RPS6KA2: variants seen among roughly 807,000 people sequenced by gnomAD.
The protein encoded by RPS6KA2 is ribosomal protein S6 kinase A2.
RPS6KA2 carries 42 observed loss-of-function variants against 91.8 expected under a neutral mutation model. The ratio of observed to expected loss-of-function variants is 0.46; its 90% CI spans 0.36 to 0.59. RPS6KA2 has a LOEUF of 0.59. RPS6KA2 is among the 20% of genes least tolerant of loss of function. The pLI, the probability that RPS6KA2 is intolerant of heterozygous loss-of-function variation, is 0.00. For missense variants in RPS6KA2, 798 were observed against 978.5 expected (o/e 0.82, Z 2.46); for synonymous variants, 414 against 393.6 (o/e 1.05, Z -0.61).
At chr6:166,657,974 C>A (rs1788049870) in intron 2 of RPS6KA2, among the ~76,000 whole-genome samples, 1 of 152,174 alleles carries the variant, frequency 6.6e-6, no homozygotes, top group South Asian at 2.1e-4. Context: ...ACTTCCACCT[C>A]CCCGGTTCAA....
At position 166,665,161 on chromosome 6, in the gene RPS6KA2, T is replaced by C. The variant is rs536168486; in HGVS notation, c.124-126377A>G. Among the ~76,000 whole-genome samples, 2 of 151,464 alleles carry C rather than the reference T, an allele frequency of 1.3e-5. No individual in the cohort carries two copies. Among genetic ancestry groups the C allele is most frequent in the South Asian group, 4.2e-4 (2 of 4,750 alleles). Reference sequence around the variant, plus strand: ...CAGGGTGTTCAAGTTCTGCCTTCCATACAGAACAACATCTGCAGGGCTCAC... The same window carrying C: ...CAGGGTGTTCAAGTTCTGCCTTCCACACAGAACAACATCTGCAGGGCTCAC... On this transcript the variant is annotated intron_variant, in intron 2 of 21. Transcript: ENST00000503859. This position sits in a 1 kb window ranked among gnomAD's most constrained non-coding sequence, Gnocchi z 4.5.
intron 6 of RPS6KA2, among the ~76,000 whole-genome samples, chr6:166,502,150 A>T (rs1187480030): frequency 6.6e-6 from 1 of 152,162 alleles, no homozygotes; most frequent in Non-Finnish European, 1.5e-5. Context: ...GGGCCCAGCA[A>T]TGGGAACGTG....
chr6:166,664,505 T>G (rs1788261542), intron 2 of RPS6KA2, among the ~76,000 whole-genome samples: 1 of 152,200 alleles, frequency 6.6e-6, no homozygotes, highest in Non-Finnish European at 1.5e-5. Context: ...GCCTGCCCCT[T>G]GCGGCATGGA....
At chr6:166,552,094 A>C (rs1448585835) in intron 1 of RPS6KA2, among the ~76,000 whole-genome samples, 1 of 152,158 alleles carries the variant, frequency 6.6e-6, no homozygotes, top group African/African-American at 2.4e-5. Context: ...GATCCTTGTT[A>C]CCCAGTGCTG....
chr6:166,494,864 C>G lies in RPS6KA2; in HGVS notation c.747+3644G>C, dbSNP rs1441967900. On this transcript the variant is annotated intron_variant, in intron 8 of 20. Coordinates refer to ENST00000265678, the MANE Select transcript of RPS6KA2 (RefSeq NM_021135.6). The surrounding 1 kb of genome is among the most constrained non-coding windows in gnomAD (Gnocchi z 5.1). ...CAGCACGCGGCCTCCAGGGTCTCAG[C>G]CTTCTTTTAAAACAAGGCCCCTCAC... 6.6e-6 allele frequency among the ~76,000 whole-genome samples: 1 copy of G among 152,200 alleles called. No individual in the cohort carries two copies.
In RPS6KA2 at chr6:166,412,697, C is replaced by A; in HGVS notation, c.*65G>T. On this transcript the variant is annotated 3_prime_UTR_variant, in exon 21 of 21. Coordinates refer to ENST00000265678, the MANE Select transcript of RPS6KA2 (RefSeq NM_021135.6). The surrounding 1 kb of genome is among the most constrained non-coding windows in gnomAD (Gnocchi z 4.3). ...GTCACTCTGGGTGCCAGACGGGCTC[C>A]GAGGCCGGGGTCTGTGAGCCCACGA... 1.3e-6 allele frequency: 2 copies of A among 1,487,100 alleles called. No homozygotes were observed. Among genetic ancestry groups the A allele is most frequent in the Non-Finnish European group, 1.8e-6 (2 of 1,111,660 alleles). The allele number at this position is 1,487,100 out of a possible 1,614,324, so 92.1% of individuals were successfully genotyped here. A position where few individuals can be genotyped will look rare whatever the true frequency, so the allele number is the denominator to read the frequency against.
rs1433206193 is a variant in RPS6KA2, at chr6:166,612,383, ATTTGTAG to A, written c.99+14531_99+14537del. Among the ~76,000 whole-genome samples, 1 of 152,118 alleles carries A rather than the reference ATTTGTAG, an allele frequency of 6.6e-6. No homozygotes were observed. The highest frequency in any genetic ancestry group is 1.5e-5 in the Non-Finnish European group (1 of 67,992). On this transcript the variant is annotated intron_variant, in intron 1 of 20. Coordinates refer to ENST00000265678, the MANE Select transcript of RPS6KA2 (RefSeq NM_021135.6). This position sits in a 1 kb window ranked among gnomAD's most constrained non-coding sequence, Gnocchi z 4.3. ...AGCTGGTGCATGAGTGAAACTCTGA[ATTTGTAG>A]TTTTCCTTAGGAGAAAGATGGCATG...
chr6:166,562,876 C>A (rs926608977), intron 1 of RPS6KA2, among the ~76,000 whole-genome samples: 3 of 152,186 alleles, frequency 2.0e-5, no homozygotes, highest in Non-Finnish European at 2.9e-5. Flanking sequence ...GCTACTTGGA[C>A]TTCCAGAAGT....
chr6:166,460,221 T>C (rs1357086291), intron 11 of RPS6KA2, among the ~76,000 whole-genome samples: 3 of 152,200 alleles, frequency 2.0e-5, no homozygotes, highest in African/African-American at 7.2e-5. Context: ...CCAAACTTAT[T>C]TCCCCAACAG....
chr6:166,725,178 TA>T (rs756088695), intron 2 of RPS6KA2, among the ~76,000 whole-genome samples: 2 of 152,050 alleles, frequency 1.3e-5, no homozygotes, highest in Admixed American at 6.5e-5. Context: ...CTGGACTGAG[TA>T]AAAAAAAGTC....
chr6:166,713,108 C>T (rs1328370891), intron 2 of RPS6KA2, among the ~76,000 whole-genome samples: 1 of 152,204 alleles, frequency 6.6e-6, no homozygotes, highest in Non-Finnish European at 1.5e-5. Flanking sequence ...TGATGAGCTT[C>T]CATGACCTCC....
exon 1 of RPS6KA2, chr6:166,862,381 G>T (rs556410389): frequency 1.4e-6 from 2 of 1,402,170 alleles, no homozygotes; most frequent in Admixed American, 5.7e-5. Context: ...GACCCGGGGG[G>T]CTGCAATATG....
chr6:166,525,745 G>A (rs528511264), intron 3 of RPS6KA2, among the ~76,000 whole-genome samples: 94 of 152,272 alleles, frequency 6.2e-4, no homozygotes, highest in Non-Finnish European at 1.2e-3. Context: ...CTGGGCTTTC[G>A]GGGTTTTGCT....
At position 166,729,453 on chromosome 6, in the gene RPS6KA2, A is replaced by C. The variant is rs550503677; in HGVS notation, c.123+128747T>G. ...GCTTCCACCTCCTGGGGCTCAGATG[A>C]TCCTCTCACCTCAGCCTCCTGAGTA... is the stretch of plus-strand genomic sequence containing the variant. On this transcript the variant is annotated intron_variant, in intron 2 of 21. Transcript: ENST00000503859. Among the ~76,000 whole-genome samples, 51 of 152,234 alleles carry C rather than the reference A, an allele frequency of 3.4e-4. No individual in the cohort carries two copies. In the South Asian group the frequency reaches 6.0e-3, roughly 18 times the overall value.
rs115478203 is a variant in RPS6KA2 at position 166,412,266 on chromosome 6, T to A, written c.*496A>T. The A allele has an allele frequency of 0.014, 2,178 of 153,294 alleles. 65 individuals carry two copies. The highest frequency in any genetic ancestry group is 0.049 in the African/African-American group (2,049 of 41,584). 9.5% of individuals were successfully genotyped at this position (153,294 alleles called of 1,614,324 possible). A position where few individuals can be genotyped will look rare whatever the true frequency, so the allele number is the denominator to read the frequency against. On this transcript the variant is annotated 3_prime_UTR_variant, in exon 21 of 21. Coordinates refer to ENST00000265678, the MANE Select transcript of RPS6KA2 (RefSeq NM_021135.6). This position sits in a 1 kb window ranked among gnomAD's most constrained non-coding sequence, Gnocchi z 4.3. ...CCTGGACGCCACAGTGCCAACCCCG[T>A]CATCCAGCCCGTGGGGAGCCCCGGG...
intron 2 of RPS6KA2, among the ~76,000 whole-genome samples, chr6:166,728,773 G>A (rs1193349393): frequency 6.6e-6 from 1 of 152,196 alleles, no homozygotes; most frequent in African/African-American, 2.4e-5. Context: ...CTTTACAGCT[G>A]GAGAGAGCTG....
chr6:166,424,182 G>C (rs1233438546), intron 16 of RPS6KA2, among the ~76,000 whole-genome samples: 2 of 152,188 alleles, frequency 1.3e-5, no homozygotes, highest in African/African-American at 2.4e-5. Flanking sequence ...AGTCAGGCCT[G>C]GTTTACAGAG....
chr6:166,555,779 C>A (rs543413865), intron 1 of RPS6KA2, among the ~76,000 whole-genome samples: 13 of 152,270 alleles, frequency 8.5e-5, no homozygotes, highest in African/African-American at 2.9e-4. Flanking sequence ...CATCCTTCTC[C>A]CTACCCAGAT....
chr6:166,713,566 G>T (rs960022221), intron 2 of RPS6KA2, among the ~76,000 whole-genome samples: 4 of 152,136 alleles, frequency 2.6e-5, no homozygotes, highest in African/African-American at 9.7e-5. Context: ...AAACATTCAC[G>T]CATGATATGG....
Sources: gnomAD v4.1 joint callset for allele counts (sites outside exome capture counted in the v4.1 genomes callset) on GRCh38, gnomAD v4.1.1 for gene constraint, Gnocchi (gnomAD v3.1) non-coding constraint, MANE v1.5 for transcripts, NCBI Gene and HGNC (gene_info 2026-07-23, HGNC 2026-07-21) for gene names.